ABI3BP: variants seen among roughly 807,000 people sequenced by gnomAD.
ABI3BP encodes the protein ABI family member 3 binding protein, also known as target of Nesh-SH3.
A neutral mutation model predicts 268.6 loss-of-function variants in ABI3BP; 216 were observed. The ratio of observed to expected loss-of-function variants is 0.80; its 90% confidence interval spans 0.72 to 0.90. The LOEUF is 0.90. Among genes scored for constraint, ABI3BP ranks in the 40% least tolerant of loss-of-function variants. The pLI is 0.00. For missense variants in ABI3BP, 2,090 were observed against 2,182.4 expected (o/e 0.96, Z 0.84); for synonymous variants, 730 against 730.0 (o/e 1.00, Z 0.00).
chr3:100,835,677 C>T lies in ABI3BP; in HGVS notation c.2132-17G>A, dbSNP rs760482133. 87 of 1,522,018 alleles carry T rather than the reference C, an allele frequency of 5.7e-5. No homozygotes were observed. Among genetic ancestry groups the T allele is most frequent in the Non-Finnish European group, 7.0e-5 (80 of 1,135,732 alleles). 94.3% of individuals were successfully genotyped at this position (1,522,018 alleles called of 1,614,324 possible). On this transcript the variant is annotated splice_polypyrimidine_tract_variant and intron_variant, in intron 27 of 67. Coordinates refer to ENST00000471714, the MANE Select transcript of ABI3BP (RefSeq NM_001375547.2). Reference sequence around the variant, plus strand: ...TGGTGGGAACTAACCAAAAGCAATACAATAAACAATGGAGATTAAGAAATA... The same window carrying T: ...TGGTGGGAACTAACCAAAAGCAATATAATAAACAATGGAGATTAAGAAATA...
chr3:100,768,279 G>A (rs1030378514), intron 62 of ABI3BP, among the ~76,000 whole-genome samples: 7 of 151,936 alleles, frequency 4.6e-5, no homozygotes, highest in African/African-American at 1.7e-4. Context: ...TAGTAGAGAC[G>A]GGGTTTCACC....
chr3:100,810,833 C>T (rs1224176366), intron 48 of ABI3BP, among the ~76,000 whole-genome samples: 1 of 152,066 alleles, frequency 6.6e-6, no homozygotes, highest in Non-Finnish European at 1.5e-5. Context: ...AAGAAAACCA[C>T]AAATATAAAT....
At chr3:100,980,007 G>A (rs966066741) in intron 1 of ABI3BP, among the ~76,000 whole-genome samples, 1 of 152,080 alleles carries the variant, frequency 6.6e-6, no homozygotes, top group Admixed American at 6.5e-5. Context: ...TAGTCATTCT[G>A]GTAACTCAGT....
At chr3:100,801,932 G>A (rs1354017538) in intron 51 of ABI3BP, among the ~76,000 whole-genome samples, 1 of 152,082 alleles carries the variant, frequency 6.6e-6, no homozygotes, top group Non-Finnish European at 1.5e-5. Context: ...TAAACGTATT[G>A]TCTTCTAAGA....
chr3:100,777,240 T>A (rs1049982624), intron 59 of ABI3BP, among the ~76,000 whole-genome samples: 2 of 152,192 alleles, frequency 1.3e-5, no homozygotes, highest in African/African-American at 2.4e-5. Flanking sequence ...GTTTTAACAC[T>A]CTTATCCCGA....
chr3:100,828,113 G>A (rs141532027), intron 34 of ABI3BP, among the ~76,000 whole-genome samples: 45 of 152,214 alleles, frequency 3.0e-4, no homozygotes, highest in African/African-American at 4.1e-4. Flanking sequence ...CCTGGTTAGC[G>A]TAGATCAGGT....
intron 40 of ABI3BP, among the ~76,000 whole-genome samples, chr3:100,819,520 C>G (rs1183667051): frequency 6.6e-6 from 1 of 152,134 alleles, no homozygotes; most frequent in Non-Finnish European, 1.5e-5. Context: ...CAAGCTTCCT[C>G]CTCCTGTGAT....
intron 55 of ABI3BP, 147 bp downstream of exon 55, chr3:100,792,544 G>T: frequency 1.4e-6 from 1 of 737,556 alleles, no homozygotes; most frequent in Non-Finnish European, 2.3e-6. Flanking sequence ...TGAGTATTCA[G>T]ATTTGGCTGA....
At chr3:100,761,722 T>C (rs1427747200) in intron 63 of ABI3BP, among the ~76,000 whole-genome samples, 1 of 152,182 alleles carries the variant, frequency 6.6e-6, no homozygotes, top group Non-Finnish European at 1.5e-5. Flanking sequence ...AAAAGCACTC[T>C]ATAGATCTCT....
At chr3:100,946,572 A>G (rs974766881) in intron 1 of ABI3BP, among the ~76,000 whole-genome samples, 1 of 151,810 alleles carries the variant, frequency 6.6e-6, no homozygotes, top group Non-Finnish European at 1.5e-5. Flanking sequence ...GCAGATCACC[A>G]GAGATCGGGA....
intron 1 of ABI3BP, among the ~76,000 whole-genome samples, chr3:100,942,803 G>A (rs893174869): frequency 5.3e-5 from 8 of 152,030 alleles, no homozygotes; most frequent in Non-Finnish European, 1.2e-4. Flanking sequence ...AAGCTGTATG[G>A]ATATTCTGGT....
At chr3:100,869,379 C>T (rs1329263928) in intron 9 of ABI3BP, among the ~76,000 whole-genome samples, 2 of 103,254 alleles carry the variant, frequency 1.9e-5, no homozygotes, top group African/African-American at 7.8e-5. Flanking sequence ...CACTCTGTTG[C>T]CCAGGCTGGA....
At chr3:100,955,892 CAT>C (rs2076642685) in intron 1 of ABI3BP, among the ~76,000 whole-genome samples, 1 of 152,040 alleles carries the variant, frequency 6.6e-6, no homozygotes, top group Non-Finnish European at 1.5e-5. Flanking sequence ...ATAAGTAAAA[CAT>C]GTGGTATGTG....
chr3:100,953,765 A>C (rs1344534562), intron 1 of ABI3BP, among the ~76,000 whole-genome samples: 1 of 152,180 alleles, frequency 6.6e-6, no homozygotes, highest in African/African-American at 2.4e-5. Flanking sequence ...TAGCTTTGAA[A>C]ATAAGAGTCA....
At chr3:100,792,660 G>T (rs1165031274) in intron 55 of ABI3BP, 31 bp downstream of exon 55, 1 of 1,595,012 alleles carries the variant, frequency 6.3e-7, no homozygotes, top group Non-Finnish European at 8.6e-7. Flanking sequence ...ATAAGGAAAA[G>T]TTATTCTCCA....
At chr3:100,766,018 A>C in intron 62 of ABI3BP, 69 bp from the exon 63 acceptor site, 1 of 1,221,516 alleles carries the variant, frequency 8.2e-7, no homozygotes, top group South Asian at 1.3e-5. Flanking sequence ...TCCTGAAGCT[A>C]ATAGCATAAA....
At chr3:100,963,135 T>C (rs748506130) in intron 1 of ABI3BP, among the ~76,000 whole-genome samples, 13 of 152,164 alleles carry the variant, frequency 8.5e-5, no homozygotes, top group Non-Finnish European at 1.9e-4. Context: ...ATTATAGCTA[T>C]GATGTGGCTA....
At chr3:100,820,992 G>T in intron 39 of ABI3BP, 62 bp downstream of exon 39, 1 of 1,353,908 alleles carries the variant, frequency 7.4e-7, no homozygotes, top group Non-Finnish European at 1.0e-6. Flanking sequence ...CGGCTATGAT[G>T]ATGGAATGGG....
chr3:100,787,749 T>C lies in ABI3BP; in HGVS notation c.4141A>G (p.Ser1381Gly), dbSNP rs1560097453. ...TTACCTGTTCCCACTCCATTCCCAC[T>C]GGGCATCCCACTGGGTTTGGGCCTA... ...PTRPKPSGMP[S>G]GNGVGTGVKQ... Residue 1381 changes from serine (S) to glycine (G), a missense_variant, in exon 57 of 68, where the codon AGT becomes GGT. Transcript: ENST00000471714. The C allele has an allele frequency of 6.5e-7, 1 of 1,532,526 alleles. No individual in the cohort carries two copies. Among genetic ancestry groups the C allele is most frequent in the Non-Finnish European group, 8.7e-7 (1 of 1,145,032 alleles). The allele number at this position is 1,532,526 out of a possible 1,614,324, so 94.9% of individuals were successfully genotyped here. A position where few individuals can be genotyped will look rare whatever the true frequency, so the allele number is the denominator to read the frequency against.
Sources: allele counts gnomAD v4.1 joint callset (sites outside exome capture counted in the v4.1 genomes callset), GRCh38; gene constraint gnomAD v4.1.1; transcripts MANE v1.5; gene names NCBI Gene and HGNC (gene_info 2026-07-23, HGNC 2026-07-21).